Variants in RIT2 observed in about 807,000 individuals in gnomAD.
RIT2 encodes GTP-binding protein Rit2.
A neutral mutation model predicts 23.7 loss-of-function variants in RIT2; 24 were observed. The observed-to-expected ratio is 1.01, with a 90% CI of 0.73 to 1.43. The LOEUF (loss-of-function observed/expected upper bound fraction) is 1.43, where lower values mean the gene tolerates loss of function less well. Among genes scored for constraint, RIT2 ranks in the 40% most tolerant of loss-of-function variants. RIT2 has a pLI of 0.00. For synonymous variants in RIT2, 107 were observed against 91.1 expected, an observed-to-expected ratio of 1.17 and a Z score of -0.99; for missense variants, 236 against 266.9, an observed-to-expected ratio of 0.88 and a Z score of 0.81.
Position 43,009,043 on chromosome 18 carries a change from A to C in RIT2, c.160+24768T>G, listed in dbSNP as rs577994003. Reference sequence around the variant, plus strand: ...ATATCCTTATTTGGAAATGTGGCAAACTACCACCACTCTAAATGATCTTCA... The same window carrying C: ...ATATCCTTATTTGGAAATGTGGCAACCTACCACCACTCTAAATGATCTTCA... On this transcript the variant is annotated intron_variant, in intron 2 of 4. Coordinates refer to ENST00000326695, the MANE Select transcript of RIT2 (RefSeq NM_002930.4). Among the ~76,000 whole-genome samples the C allele has an allele frequency of 5.3e-5, 8 of 151,766 alleles. No individual in the cohort carries two copies. In the East Asian group the frequency reaches 1.6e-3, roughly 30 times the overall value.
At chr18:42,967,167 T>A (rs560043645) in intron 3 of RIT2, among the ~76,000 whole-genome samples, 3 of 152,216 alleles carry the variant, frequency 2.0e-5, no homozygotes, top group Admixed American at 2.0e-4. Flanking sequence ...ATGATATATT[T>A]CTCTCTCTAT....
chr18:43,112,406 T>C (rs1015119978), intron 1 of RIT2, among the ~76,000 whole-genome samples: 2 of 152,212 alleles, frequency 1.3e-5, no homozygotes, highest in Non-Finnish European at 2.9e-5. Flanking sequence ...TCATAAATGT[T>C]TACGTCCTTC....
chr18:43,106,662 C>T (rs1039598230), intron 1 of RIT2, among the ~76,000 whole-genome samples: 1 of 152,170 alleles, frequency 6.6e-6, no homozygotes, highest in Non-Finnish European at 1.5e-5. Flanking sequence ...TTCATGCATA[C>T]TTTAGGAAGA....
At chr18:42,964,881 G>A (rs544519633) in intron 3 of RIT2, among the ~76,000 whole-genome samples, 16 of 152,288 alleles carry the variant, frequency 1.1e-4, no homozygotes, top group South Asian at 8.3e-4. Flanking sequence ...GAGGTTGTGC[G>A]TATAAATATA....
intron 4 of RIT2, among the ~76,000 whole-genome samples, chr18:42,778,612 T>C (rs75320275): frequency 0.017 from 2,542 of 152,162 alleles, 82 homozygotes; most frequent in African/African-American, 0.058. Flanking sequence ...CAGCACCAGG[T>C]CCCCTGACAG....
intron 4 of RIT2, among the ~76,000 whole-genome samples, chr18:42,905,228 C>T (rs1908579602): frequency 1.3e-5 from 2 of 151,898 alleles, no homozygotes; most frequent in South Asian, 2.1e-4. Context: ...ATTCATTGTT[C>T]GGAATATTAT....
At chr18:43,102,850 C>T (rs548390356) in intron 1 of RIT2, among the ~76,000 whole-genome samples, 1 of 152,090 alleles carries the variant, frequency 6.6e-6, no homozygotes, top group Non-Finnish European at 1.5e-5. Context: ...GATGGGGCTT[C>T]ACCATGTTGG....
chr18:42,996,625 A>G (rs1910990771), intron 2 of RIT2, among the ~76,000 whole-genome samples: 6 of 150,630 alleles, frequency 4.0e-5, no homozygotes, highest in African/African-American at 2.4e-5. Context: ...ACTCCTGCCC[A>G]CCAGAGAACA....
intron 4 of RIT2, among the ~76,000 whole-genome samples, chr18:42,862,664 T>C (rs1016746784): frequency 6.6e-6 from 1 of 152,230 alleles, no homozygotes; most frequent in Non-Finnish European, 1.5e-5. Flanking sequence ...TCACAGGCTC[T>C]CCCTTTATAC....
chr18:43,058,995 C>G (rs2144319900), intron 1 of RIT2, among the ~76,000 whole-genome samples: 1 of 133,092 alleles, frequency 7.5e-6, no homozygotes, highest in Non-Finnish European at 1.8e-5. Flanking sequence ...TTCCAATCTT[C>G]AACATAGCTG....
chr18:42,906,266 AT>A (rs770041954), intron 4 of RIT2, among the ~76,000 whole-genome samples: 18 of 152,022 alleles, frequency 1.2e-4, no homozygotes, highest in Non-Finnish European at 2.2e-4. Flanking sequence ...CAGCAACAAA[AT>A]AATACAAATT....
intron 1 of RIT2, among the ~76,000 whole-genome samples, chr18:43,063,579 T>C (rs1364068217): frequency 6.6e-6 from 1 of 152,150 alleles, no homozygotes; most frequent in African/African-American, 2.4e-5. Context: ...AGTAATATGT[T>C]CCAATCAGGA....
Position 42,923,765 on chromosome 18 carries a change from TGCAGG to T in RIT2, c.235-7_235-3del. ...CTCCCGCATGGCTGTGAATTCTGCC[TGCAGG>T]AAAAAAAAAAAAAAATTAGTTATGG... On this transcript the variant is annotated splice_polypyrimidine_tract_variant and splice_region_variant and intron_variant, in intron 3 of 4. Transcript: ENST00000326695. 1 of 1,548,520 alleles carries T rather than the reference TGCAGG, an allele frequency of 6.5e-7. No homozygotes were observed. The highest frequency in any genetic ancestry group is 1.6e-5 in the African/African-American group (1 of 60,960).
At chr18:43,080,958 T>A (rs1233362366) in intron 1 of RIT2, among the ~76,000 whole-genome samples, 1 of 152,164 alleles carries the variant, frequency 6.6e-6, no homozygotes, top group Non-Finnish European at 1.5e-5. Flanking sequence ...ACAACAGGGA[T>A]ATACCAGGAT....
At chr18:42,894,777 TTGAC>T (rs1908278408) in intron 4 of RIT2, among the ~76,000 whole-genome samples, 1 of 152,224 alleles carries the variant, frequency 6.6e-6, no homozygotes, top group Non-Finnish European at 1.5e-5. Flanking sequence ...GGCAATCACA[TTGAC>T]TGACTTTTCT....
intron 2 of RIT2, among the ~76,000 whole-genome samples, chr18:43,027,088 G>T (rs769117052): frequency 6.6e-6 from 1 of 151,968 alleles, no homozygotes; most frequent in Non-Finnish European, 1.5e-5. Context: ...AATGCTGCTG[G>T]TAAGTTAAAA....
At chr18:43,073,218 T>C (rs1157911280) in intron 1 of RIT2, among the ~76,000 whole-genome samples, 1 of 152,212 alleles carries the variant, frequency 6.6e-6, no homozygotes, top group Non-Finnish European at 1.5e-5. Context: ...TCTCATTGGT[T>C]AGCATGAGAT....
intron 2 of RIT2, among the ~76,000 whole-genome samples, chr18:42,986,256 G>T (rs1190032762): frequency 6.6e-6 from 1 of 152,042 alleles, no homozygotes; most frequent in South Asian, 2.1e-4. Flanking sequence ...AGCCTGGCTG[G>T]TCTTGAACTC....
chr18:42,831,053 G>A (rs1228766317), intron 4 of RIT2, among the ~76,000 whole-genome samples: 1 of 152,198 alleles, frequency 6.6e-6, no homozygotes, highest in Admixed American at 6.5e-5. Flanking sequence ...TTGACCTCCT[G>A]ACCATGATGT....
Sources: allele counts gnomAD v4.1 joint callset (sites outside exome capture counted in the v4.1 genomes callset), GRCh38; gene constraint gnomAD v4.1.1; transcripts MANE v1.5; gene names NCBI Gene and HGNC (gene_info 2026-07-23, HGNC 2026-07-21).